Variants in LRFN2 observed in about 807,000 individuals in gnomAD.
LRFN2 encodes leucine-rich repeat and fibronectin type-III domain-containing protein 2.
LRFN2 carries 18 observed loss-of-function variants against 37.3 expected under a neutral mutation model. That is an observed-to-expected ratio of 0.48 (90% CI 0.33 to 0.72). The LOEUF (loss-of-function observed/expected upper bound fraction) is 0.72. Among genes scored for constraint, LRFN2 ranks in the 30% least tolerant of loss-of-function variants. The pLI is 0.02. For missense variants in LRFN2, 1,006 were observed against 1,060.7 expected (o/e 0.95, Z 0.72); for synonymous variants, 556 against 466.6 (o/e 1.19, Z -2.47).
In LRFN2 at chr6:40,539,920, T is replaced by C. The variant is rs115247646; in HGVS notation, c.-19+47021A>G. On this transcript the variant is annotated intron_variant, in intron 1 of 2. Coordinates refer to ENST00000338305, the MANE Select transcript of LRFN2 (RefSeq NM_020737.3). Reference sequence around the variant, plus strand: ...ATCTGTAACCAAGAGAGGATAATCCTCCCCTCTTCCATCACCTCTCCAGGA... The same window carrying C: ...ATCTGTAACCAAGAGAGGATAATCCCCCCCTCTTCCATCACCTCTCCAGGA... Among the ~76,000 whole-genome samples, 1,347 of 152,108 alleles carry C rather than the reference T, an allele frequency of 8.9e-3. 19 individuals are homozygous for C. The highest frequency in any genetic ancestry group is 0.031 in the African/African-American group (1,277 of 41,486).
intron 2 of LRFN2, among the ~76,000 whole-genome samples, chr6:40,407,296 AT>A (rs1762867775): frequency 1.3e-5 from 2 of 152,340 alleles, no homozygotes; most frequent in African/African-American, 4.8e-5. Context: ...CTGGGTTGGC[AT>A]ATCTTAGAGG....
rs143585988 is a variant in LRFN2, at chr6:40,398,501, G to T, written c.1401-5589C>A. 2.6e-5 allele frequency among the ~76,000 whole-genome samples: 4 copies of T among 151,698 alleles called. No homozygotes were observed. The East Asian group carries it at 7.7e-4, about 29-fold the overall frequency. The stretch of plus-strand genomic sequence containing the variant: ...AGGCTTCCAGAGTGCAGGGCAAGGC[G>T]GAGGAGGGGAGAGTGGATCCCGAGG... On this transcript the variant is annotated intron_variant, in intron 2 of 2. Transcript: ENST00000338305.
chr6:40,423,824 C>G (rs533852733), intron 2 of LRFN2, among the ~76,000 whole-genome samples: 16 of 152,276 alleles, frequency 1.1e-4, no homozygotes, highest in African/African-American at 3.6e-4. Context: ...CACTGGTGCT[C>G]TAGCAACAAT....
chr6:40,561,732 G>A (rs1002872785), intron 1 of LRFN2, among the ~76,000 whole-genome samples: 4 of 152,186 alleles, frequency 2.6e-5, no homozygotes, highest in Admixed American at 6.5e-5. Flanking sequence ...AAAAACAGGA[G>A]CCCCGCTTAA....
At chr6:40,559,933 C>G (rs1276026082) in intron 1 of LRFN2, among the ~76,000 whole-genome samples, 2 of 152,292 alleles carry the variant, frequency 1.3e-5, no homozygotes, top group South Asian at 2.1e-4. Context: ...TTCCCAGGCA[C>G]AGTCCTGACT....
chr6:40,406,260 A>C (rs1034544117), intron 2 of LRFN2, among the ~76,000 whole-genome samples: 4 of 152,200 alleles, frequency 2.6e-5, no homozygotes, highest in African/African-American at 9.6e-5. Flanking sequence ...CCTTGTCCCT[A>C]GTGAGTGCTT....
At chr6:40,566,015 C>T (rs1319130677) in intron 1 of LRFN2, among the ~76,000 whole-genome samples, 1 of 152,012 alleles carries the variant, frequency 6.6e-6, no homozygotes, top group African/African-American at 2.4e-5. Flanking sequence ...CCAGAATCTA[C>T]AATGAACTCA....
At chr6:40,545,355 G>A (rs1358512678) in intron 1 of LRFN2, among the ~76,000 whole-genome samples, 1 of 152,146 alleles carries the variant, frequency 6.6e-6, no homozygotes, top group Non-Finnish European at 1.5e-5. Flanking sequence ...CAAGGTCCTG[G>A]AGTTTTAGGA....
chr6:40,527,444 C>T (rs1766273929), intron 1 of LRFN2, among the ~76,000 whole-genome samples: 1 of 152,242 alleles, frequency 6.6e-6, no homozygotes, highest in South Asian at 2.1e-4. Flanking sequence ...TAAAGCTACA[C>T]AGACAGCAAG....
rs564233898 is a variant in LRFN2 at position 40,406,568 on chromosome 6, T to C, written c.1401-13656A>G. Among the ~76,000 whole-genome samples the C allele has an allele frequency of 2.2e-4, 34 of 152,240 alleles. 1 individual carries two copies. Among genetic ancestry groups the C allele is most frequent in the African/African-American group, 7.2e-4 (30 of 41,562 alleles). ...GCCCCCCTGCTCATCAGCGCCTCCATAGCAGGCCCACCTGGCTGTCAGCAC... is the reference window on the plus strand; with the variant it reads ...GCCCCCCTGCTCATCAGCGCCTCCACAGCAGGCCCACCTGGCTGTCAGCAC... On this transcript the variant is annotated intron_variant, in intron 2 of 2. Coordinates refer to ENST00000338305, the MANE Select transcript of LRFN2 (RefSeq NM_020737.3).
At chr6:40,548,773 C>T (rs879724747) in intron 1 of LRFN2, among the ~76,000 whole-genome samples, 1 of 152,316 alleles carries the variant, frequency 6.6e-6, no homozygotes. Flanking sequence ...AGATGCTCTG[C>T]CCTATGAACA....
At chr6:40,548,030 T>C (rs114016025) in intron 1 of LRFN2, among the ~76,000 whole-genome samples, 4,829 of 152,336 alleles carry the variant, frequency 0.032, 102 homozygotes, top group Admixed American at 0.041. Context: ...GCATCATCTT[T>C]ATTAAAGCCT....
intron 1 of LRFN2, among the ~76,000 whole-genome samples, chr6:40,480,467 G>C (rs9471353): frequency 0.18 from 27,520 of 151,750 alleles, 4,543 homozygotes; most frequent in African/African-American, 0.44. Flanking sequence ...TGTAGAGATG[G>C]GGGTCTTACT....
intron 1 of LRFN2, among the ~76,000 whole-genome samples, chr6:40,556,644 T>C (rs1581793270): frequency 6.9e-6 from 1 of 145,520 alleles, no homozygotes; most frequent in Admixed American, 6.9e-5. Context: ...GTGTGGAGAG[T>C]GAATTAGAAC....
chr6:40,421,114 G>A (rs1763219353), intron 2 of LRFN2, among the ~76,000 whole-genome samples: 1 of 152,208 alleles, frequency 6.6e-6, no homozygotes, highest in Non-Finnish European at 1.5e-5. Flanking sequence ...GAGAATGTGA[G>A]CAAGAGCAAG....
At chr6:40,482,700 C>G (rs1764862334) in intron 1 of LRFN2, among the ~76,000 whole-genome samples, 1 of 152,218 alleles carries the variant, frequency 6.6e-6, no homozygotes, top group Non-Finnish European at 1.5e-5. Context: ...CCACTGCGCC[C>G]TCCTTCTGCA....
intron 1 of LRFN2, among the ~76,000 whole-genome samples, chr6:40,466,091 T>C (rs1764459346): frequency 6.6e-6 from 1 of 152,178 alleles, no homozygotes; most frequent in African/African-American, 2.4e-5. Context: ...TCTCTTTCAT[T>C]AGCCACCGAG....
chr6:40,561,167 G>A (rs748850149), intron 1 of LRFN2, among the ~76,000 whole-genome samples: 47 of 152,292 alleles, frequency 3.1e-4, no homozygotes, highest in Non-Finnish European at 5.6e-4. Flanking sequence ...AAGGGCAACT[G>A]AGAGAGGAGC....
rs1353013720 is a variant in LRFN2 at position 40,518,748 on chromosome 6, C to T, written c.-19+68193G>A. Among the ~76,000 whole-genome samples the T allele has an allele frequency of 3.3e-5, 5 of 152,158 alleles. No homozygotes were observed. The East Asian group carries it at 7.7e-4, about 23-fold the overall frequency. ...CACATATTGAGTGCCTACTGTATTC[C>T]AAGCACTAGGGGCATGAAAATGAAC... is the stretch of plus-strand genomic sequence containing the variant. On this transcript the variant is annotated intron_variant, in intron 1 of 2. Coordinates refer to ENST00000338305, the MANE Select transcript of LRFN2 (RefSeq NM_020737.3).
Sources: allele counts gnomAD v4.1 joint callset (sites outside exome capture counted in the v4.1 genomes callset), GRCh38; gene constraint gnomAD v4.1.1; transcripts MANE v1.5; gene names NCBI Gene and HGNC (gene_info 2026-07-23, HGNC 2026-07-21).